CWH43: variants seen among roughly 807,000 people sequenced by gnomAD.
The protein encoded by CWH43 is cell wall biogenesis 43 C-terminal homolog.
Under a neutral mutation model 85.7 loss-of-function variants are expected in CWH43, and 91 were observed. The observed-to-expected ratio is 1.06, with a 90% CI of 0.90 to 1.26. The LOEUF is 1.26. Among genes scored for constraint, CWH43 ranks in the 50% most tolerant of loss-of-function variants. The pLI is 0.00. For missense variants in CWH43, 869 were observed against 839.2 expected (o/e 1.04, Z -0.44); for synonymous variants, 323 against 293.6 (o/e 1.10, Z -1.02).
chr4:49,017,392 A>G, intron 9 of CWH43, 64 bp downstream of exon 9: 1 of 1,201,008 alleles, frequency 8.3e-7, no homozygotes, highest in Non-Finnish European at 1.2e-6. Context: ...ATATTTGTAC[A>G]ATTTACCATT....
chr4:49,047,903 A>G (rs1433555843), intron 14 of CWH43, among the ~76,000 whole-genome samples: 1 of 152,218 alleles, frequency 6.6e-6, no homozygotes, highest in Non-Finnish European at 1.5e-5. Flanking sequence ...GGTTTACACC[A>G]CTAACTCAGA....
chr4:49,060,533 G>A (rs1577721699), intron 15 of CWH43, among the ~76,000 whole-genome samples: 1 of 152,140 alleles, frequency 6.6e-6, no homozygotes, highest in East Asian at 1.9e-4. Context: ...GCTGGAGTCT[G>A]TGGCAAAGTT....
chr4:49,056,441 T>C (rs1371746854), intron 15 of CWH43, among the ~76,000 whole-genome samples: 1 of 152,136 alleles, frequency 6.6e-6, no homozygotes, highest in Non-Finnish European at 1.5e-5. Context: ...TTTTAGGCTA[T>C]CCAATTTTTT....
Position 49,038,082 on chromosome 4 carries a change from C to A in CWH43, c.1705C>A (p.Leu569Met). Reference sequence around the variant, plus strand: ...GCAGGCTATTGCTGTTTCAAAACTACTGAAAAGTAGCTCTAATCAAGTGAT... The same window carrying A: ...GCAGGCTATTGCTGTTTCAAAACTAATGAAAAGTAGCTCTAATCAAGTGAT... ...KLQAIAVSKL[L>M]KSSSNQVIFL... is the part of the protein sequence containing the mutation. The change falls in exon 13 of 16, where the codon CTG (leucine) becomes ATG (methionine). Residue 569 changes from leucine to methionine, a missense_variant. Around this residue, in one of 3 missense-constraint regions of CWH43, gnomAD observed 577 missense variants for 513.1 expected, o/e 1.12. Coordinates refer to ENST00000226432, the MANE Select transcript of CWH43 (RefSeq NM_025087.3). 1 of 1,612,806 alleles carries A rather than the reference C, an allele frequency of 6.2e-7. No homozygotes were observed. Among genetic ancestry groups the A allele is most frequent in the South Asian group, 1.1e-5 (1 of 90,746 alleles).
At chr4:49,037,970 G>C (rs777454019) in intron 12 of CWH43, 66 bp from the exon 13 acceptor site, 184 of 1,432,324 alleles carry the variant, frequency 1.3e-4, no homozygotes, top group Non-Finnish European at 9.1e-5. Context: ...GGCAACTTAG[G>C]TACCTAAGGC....
chr4:49,054,315 G>C (rs186086033), intron 15 of CWH43, among the ~76,000 whole-genome samples: 233 of 152,266 alleles, frequency 1.5e-3, no homozygotes, highest in African/African-American at 5.3e-3. Context: ...TCAATTGACT[G>C]TAAATGTGTG....
chr4:49,012,480 A>C (rs1049600796), intron 8 of CWH43, among the ~76,000 whole-genome samples: 1 of 152,200 alleles, frequency 6.6e-6, no homozygotes, highest in Non-Finnish European at 1.5e-5. Context: ...CTGTCAACTC[A>C]TCAAAGTCAT....
In CWH43 at chr4:48,994,494, C is replaced by T. The variant is rs1330202426; in HGVS notation, c.512-125C>T. 4.1e-6 allele frequency: 3 copies of T among 738,968 alleles called. No individual in the cohort carries two copies. In the African/African-American group the frequency reaches 5.4e-5, roughly 13 times the overall value. 45.8% of individuals were successfully genotyped at this position (738,968 alleles called of 1,614,324 possible). A position where few individuals can be genotyped will look rare whatever the true frequency, so the allele number is the denominator to read the frequency against. On this transcript the variant is annotated intron_variant, in intron 4 of 15. Coordinates refer to ENST00000226432, the MANE Select transcript of CWH43 (RefSeq NM_025087.3). ...TTCATATTGTAGTTGCATGTCTCATCTCCTCTTCCGAAGTAAGCTTCTTGA... is the reference window on the plus strand; with the variant it reads ...TTCATATTGTAGTTGCATGTCTCATTTCCTCTTCCGAAGTAAGCTTCTTGA...
At chr4:49,028,585 A>G (rs1783992663) in intron 9 of CWH43, 44 bp from the exon 10 acceptor site, 4 of 1,420,580 alleles carry the variant, frequency 2.8e-6, no homozygotes, top group Admixed American at 1.9e-5. Context: ...TGAAACTGCC[A>G]TTGTTCACAG....
At chr4:49,005,266 A>G (rs1224867347) in intron 7 of CWH43, among the ~76,000 whole-genome samples, 2 of 152,182 alleles carry the variant, frequency 1.3e-5, no homozygotes, top group African/African-American at 4.8e-5. Context: ...CATAGGTTGC[A>G]TAGTGGTTAA....
chr4:48,996,782 T>C (rs1445135918), intron 5 of CWH43, among the ~76,000 whole-genome samples: 4 of 152,208 alleles, frequency 2.6e-5, no homozygotes, highest in African/African-American at 4.8e-5. Flanking sequence ...GTAACTAAAC[T>C]TCAGGGGGAA....
intron 7 of CWH43, 33 bp downstream of exon 7, chr4:49,004,025 A>G: frequency 6.4e-7 from 1 of 1,570,634 alleles, no homozygotes; most frequent in Non-Finnish European, 8.6e-7. Flanking sequence ...GATTAAAATA[A>G]TTGCTCAAAA....
At chr4:49,022,035 C>T (rs1361084076) in intron 9 of CWH43, among the ~76,000 whole-genome samples, 2 of 152,024 alleles carry the variant, frequency 1.3e-5, no homozygotes, top group South Asian at 2.1e-4. Flanking sequence ...CAGTTTGATA[C>T]CCTTTATTTT....
At chr4:49,052,327 C>T (rs1784826112) in intron 15 of CWH43, among the ~76,000 whole-genome samples, 1 of 152,118 alleles carries the variant, frequency 6.6e-6, no homozygotes, top group Non-Finnish European at 1.5e-5. Context: ...TGCTTAACCT[C>T]TCTGAGCCTC....
chr4:48,992,705 A>T lies in CWH43; in HGVS notation c.511+615A>T, dbSNP rs529779513. 1.7e-4 allele frequency among the ~76,000 whole-genome samples: 26 copies of T among 151,998 alleles called. No homozygotes were observed. The highest frequency in any genetic ancestry group is 6.3e-4 in the African/African-American group (26 of 41,394). ...CGAGACTCTTCTAAAAAGAAGGGAG[A>T]GGTATTAGTGGATTCTAGTTAACGT... On this transcript the variant is annotated intron_variant, in intron 4 of 15. Transcript: ENST00000226432. The surrounding 1 kb of genome is among the most constrained non-coding windows in gnomAD (Gnocchi z 4.3).
At chr4:49,045,576 C>G (rs985751851) in intron 14 of CWH43, among the ~76,000 whole-genome samples, 5 of 152,112 alleles carry the variant, frequency 3.3e-5, no homozygotes, top group African/African-American at 1.2e-4. Flanking sequence ...CAGTTACATG[C>G]AGTACAGGTT....
At chr4:49,039,400 G>GAT (rs1213438874) in intron 13 of CWH43, among the ~76,000 whole-genome samples, 41 of 88,304 alleles carry the variant, frequency 4.6e-4, no homozygotes, top group Middle Eastern at 7.2e-3. Flanking sequence ...TATACACACT[G>GAT]ATATATATAT....
chr4:49,028,644 GTC>G lies in CWH43; in HGVS notation c.1286_1287del (p.Ser429CysfsTer11), dbSNP rs1169850631. On this transcript the variant is annotated frameshift_variant, in exon 10 of 16. Transcript: ENST00000226432. LOFTEE classifies it high-confidence loss of function. ...KLGKVAPTKEVSAAIWPFRFG... is the reference protein window; with the variant it reads ...KLGKVAPTKEXSAAIWPFRFG... ...AATTCCTCAGGCACCAACCAAAGAGGTCTCTGCTGCCATCTGGCCTTTCAGGT... is the reference window on the plus strand; with the variant it reads ...AATTCCTCAGGCACCAACCAAAGAGGTCTGCTGCCATCTGGCCTTTCAGGT... The G allele has an allele frequency of 6.2e-7, 1 of 1,613,398 alleles. No homozygotes were observed. The highest frequency in any genetic ancestry group is 2.2e-5 in the East Asian group (1 of 44,848).
intron 5 of CWH43, among the ~76,000 whole-genome samples, chr4:48,997,481 A>G (rs780561101): frequency 2.0e-5 from 3 of 152,228 alleles, no homozygotes; most frequent in Non-Finnish European, 2.9e-5. Flanking sequence ...AGCCTGGCAC[A>G]TAGTGGGCAC....
Sources: gnomAD v4.1 joint callset for allele counts (sites outside exome capture counted in the v4.1 genomes callset) on GRCh38, gnomAD v4.1.1 for gene constraint, gnomAD v4.1.1 regional missense constraint, Gnocchi (gnomAD v3.1) non-coding constraint, MANE v1.5 for transcripts, NCBI Gene and HGNC (gene_info 2026-07-23, HGNC 2026-07-21) for gene names.